The following ZUP1 variants were observed in gnomAD, a reference collection of about 807,000 sequenced individuals.
The protein encoded by ZUP1 is zinc finger containing ubiquitin peptidase 1.
In ZUP1, 55 loss-of-function variants were observed where a neutral mutation model predicts 68.1. That is an observed-to-expected ratio of 0.81 (90% CI 0.65 to 1.01). The LOEUF is 1.01. Ranked by LOEUF, ZUP1 falls within the 50% of genes least tolerant of loss-of-function variation. The pLI is 0.00. For missense variants in ZUP1, 684 were observed against 674.9 expected (o/e 1.01, Z -0.15); for synonymous variants, 223 against 221.5 (o/e 1.01, Z -0.06).
chr6:116,660,938 T>TA (rs2114282273), intron 2 of ZUP1, 92 bp from the exon 3 acceptor site: 1 of 706,930 alleles, frequency 1.4e-6, no homozygotes, highest in East Asian at 3.1e-5. Flanking sequence ...CTCACTCTGT[T>TA]GCCCAGGCTG....
At position 116,645,885 on chromosome 6, in the gene ZUP1, T is replaced by C. The variant is rs1190419096; in HGVS notation, c.1518A>G (p.Leu506=). The change falls in exon 9 of 10, where the codon TTA becomes TTG. Residue 506 remains leucine, a synonymous_variant. Coordinates refer to ENST00000368576, the MANE Select transcript of ZUP1 (RefSeq NM_145062.3). ...IGIEEKKNRT[L]CLLILDPGCP... is the part of the protein sequence containing the mutation. ...ATCCAGGATCAAGTATTAGTAAGCA[T>C]AATGTTCGGTTTTTTTTCTCTTCAA... 5 of 1,613,764 alleles carry C rather than the reference T, an allele frequency of 3.1e-6. No individual in the cohort carries two copies. The highest frequency in any genetic ancestry group is 1.7e-5 in the Admixed American group (1 of 59,992).
At chr6:116,652,320 T>G (rs1005005971) in intron 5 of ZUP1, 128 bp from the exon 6 acceptor site, 2 of 716,892 alleles carry the variant, frequency 2.8e-6, no homozygotes, top group Non-Finnish European at 4.5e-6. Flanking sequence ...CTTCACCTTC[T>G]TCTTGCTATA....
At chr6:116,657,019 ACACAC>A (rs746391503) in intron 4 of ZUP1, among the ~76,000 whole-genome samples, 167 bp from the exon 5 acceptor site, 1 of 150,948 alleles carries the variant, frequency 6.6e-6, no homozygotes, top group African/African-American at 2.4e-5. Flanking sequence ...ACACACACAC[ACACAC>A]AAAAAAAAAT....
chr6:116,666,744 G>A lies in ZUP1; in HGVS notation c.449C>T (p.Thr150Ile), dbSNP rs1366132301. Residue 150 changes from threonine (T) to isoleucine (I), a missense_variant, in exon 2 of 10, where the codon ACA becomes ATA. Coordinates refer to ENST00000368576, the MANE Select transcript of ZUP1 (RefSeq NM_145062.3). Reference sequence around the variant, plus strand: ...GAATGGACATTCAGGAGGACTGTATGTTGTTTCATAAACAGATCCTTTTAT... The same window carrying A: ...GAATGGACATTCAGGAGGACTGTATATTGTTTCATAAACAGATCCTTTTAT... ...TEIKGSVYET[T>I]YSPPECPFCG... 2.5e-6 allele frequency: 4 copies of A among 1,613,790 alleles called. No homozygotes were observed. The highest frequency in any genetic ancestry group is 3.4e-6 in the Non-Finnish European group (4 of 1,179,930).
chr6:116,651,763 AC>A, intron 6 of ZUP1, 26 bp from the exon 7 acceptor site: 1 of 1,611,062 alleles, frequency 6.2e-7, no homozygotes, highest in Non-Finnish European at 8.5e-7. Flanking sequence ...CAAACATGTT[AC>A]ATGACTGTTA....
chr6:116,635,983 G>A, intron 9 of ZUP1, 104 bp from the exon 10 acceptor site: 1 of 733,746 alleles, frequency 1.4e-6, no homozygotes, highest in Non-Finnish European at 2.0e-6. Context: ...TTTTTTTCAA[G>A]ATAATAATGA....
intron 9 of ZUP1, among the ~76,000 whole-genome samples, chr6:116,641,738 A>G (rs1225688054): frequency 9.9e-5 from 15 of 152,120 alleles, no homozygotes; most frequent in South Asian, 2.1e-4. Flanking sequence ...GAGAAAGCAG[A>G]AAAGATCCAA....
chr6:116,666,513 T>C (rs1777014450), intron 2 of ZUP1, 121 bp downstream of exon 2: 2 of 670,774 alleles, frequency 3.0e-6, no homozygotes, highest in Non-Finnish European at 2.3e-6. Flanking sequence ...AAAAATGTTA[T>C]AGACATAAAA....
At chr6:116,652,655 T>C (rs1190088775) in intron 5 of ZUP1, among the ~76,000 whole-genome samples, 3 of 152,170 alleles carry the variant, frequency 2.0e-5, no homozygotes, top group Admixed American at 6.5e-5. Flanking sequence ...TTAAAAACTC[T>C]TGACTTCATG....
intron 9 of ZUP1, among the ~76,000 whole-genome samples, chr6:116,641,997 A>G (rs530145811): frequency 6.6e-6 from 1 of 152,288 alleles, no homozygotes; most frequent in African/African-American, 2.4e-5. Flanking sequence ...AAAATGATAA[A>G]GGGGATATCA....
rs1179789116 is a variant in ZUP1 at position 116,656,668 on chromosome 6, AT to A, written c.961+15del. On this transcript the variant is annotated intron_variant, in intron 5 of 9. Coordinates refer to ENST00000368576, the MANE Select transcript of ZUP1 (RefSeq NM_145062.3). ...AAGCAATATTAAAACAATGACTCTG[AT>A]GTTTAAATACTCACCGGAAGTTTTT... 6.3e-7 allele frequency: 1 copy of A among 1,594,160 alleles called. No individual in the cohort carries two copies. The highest frequency in any genetic ancestry group is 8.5e-7 in the Non-Finnish European group (1 of 1,171,534).
At chr6:116,659,529 A>G (rs1304664531) in intron 3 of ZUP1, among the ~76,000 whole-genome samples, 1 of 152,158 alleles carries the variant, frequency 6.6e-6, no homozygotes, top group Non-Finnish European at 1.5e-5. Flanking sequence ...TACTGAGGAA[A>G]CCAGAATTTT....
intron 5 of ZUP1, among the ~76,000 whole-genome samples, chr6:116,656,446 T>C (rs996263566): frequency 1.8e-4 from 28 of 152,238 alleles, no homozygotes; most frequent in African/African-American, 6.3e-4. Context: ...GCTCACATTA[T>C]ATTTCTCTTA....
chr6:116,642,493 C>A (rs1001115276), intron 9 of ZUP1, among the ~76,000 whole-genome samples: 25 of 152,168 alleles, frequency 1.6e-4, no homozygotes, highest in Admixed American at 1.4e-3. Flanking sequence ...CCACCATGAT[C>A]AAGTGAGCTT....
intron 9 of ZUP1, among the ~76,000 whole-genome samples, chr6:116,645,321 C>A (rs1157664486): frequency 6.6e-6 from 1 of 151,966 alleles, no homozygotes; most frequent in Non-Finnish European, 1.5e-5. Flanking sequence ...TGGCTCACGC[C>A]TGTAATCCCA....
chr6:116,642,220 G>A (rs1187750723), intron 9 of ZUP1, among the ~76,000 whole-genome samples: 1 of 152,060 alleles, frequency 6.6e-6, no homozygotes, highest in Non-Finnish European at 1.5e-5. Flanking sequence ...AAAGAGTCCA[G>A]GACCAGATGG....
chr6:116,656,768 G>A lies in ZUP1; in HGVS notation c.877C>T (p.Pro293Ser), dbSNP rs756404252. Residue 293 changes from proline to serine, a missense_variant, in exon 5 of 10, where the codon CCT (proline) becomes TCT (serine). Transcript: ENST00000368576. ...TTTCTCCTATGAAATTCAGATGGAGGCATTCTTCCCCTATTTACTTCTATC... is the reference window on the plus strand; with the variant it reads ...TTTCTCCTATGAAATTCAGATGGAGACATTCTTCCCCTATTTACTTCTATC... ...MEIEVNRGRM[P>S]PSEFHRRKAD... The A allele has an allele frequency of 3.7e-6, 6 of 1,611,478 alleles. No individual in the cohort carries two copies. The South Asian group carries it at 5.5e-5, about 15-fold the overall frequency.
chr6:116,666,955 T>C lies in ZUP1; in HGVS notation c.238A>G (p.Thr80Ala), dbSNP rs1168872932. Residue 80 changes from threonine (T) to alanine (A), a missense_variant, in exon 2 of 10, where the codon ACC becomes GCC. Coordinates refer to ENST00000368576, the MANE Select transcript of ZUP1 (RefSeq NM_145062.3). ...TTAACTTCCATTCCACACTGTAGGG[T>C]GTTGTCTTTCTTGTTATCTGAAGTT... is the stretch of plus-strand genomic sequence containing the variant. ...YGTSDNKKDN[T>A]LQCGMEVNSS... 2.5e-6 allele frequency: 4 copies of C among 1,613,412 alleles called. No individual in the cohort carries two copies. Among genetic ancestry groups the C allele is most frequent in the Non-Finnish European group, 2.5e-6 (3 of 1,179,846 alleles).
chr6:116,643,214 T>C (rs1482426557), intron 9 of ZUP1, among the ~76,000 whole-genome samples: 2 of 152,066 alleles, frequency 1.3e-5, no homozygotes, highest in African/African-American at 2.4e-5. Flanking sequence ...AAGAACATTC[T>C]ATGCTCATGG....
Sources: gnomAD v4.1 joint callset for allele counts (sites outside exome capture counted in the v4.1 genomes callset) on GRCh38, gnomAD v4.1.1 for gene constraint, MANE v1.5 for transcripts, NCBI Gene and HGNC (gene_info 2026-07-23, HGNC 2026-07-21) for gene names.